Variants in ADK observed in about 807,000 individuals in gnomAD.
The protein encoded by ADK is adenosine kinase, also known as N6,N6-dimethyladenosine kinase.
ADK carries 24 observed loss-of-function variants against 44.7 expected under a neutral mutation model. The ratio of observed to expected loss-of-function variants is 0.54; its 90% confidence interval spans 0.39 to 0.76. ADK has a LOEUF of 0.76. ADK is among the 30% of genes least tolerant of loss of function. The pLI, the probability that ADK is intolerant of heterozygous loss-of-function variation, is 0.00. For missense variants in ADK, 321 were observed against 425.1 expected (o/e 0.76, Z 2.15); for synonymous variants, 128 against 142.6 (o/e 0.90, Z 0.73).
At chr10:74,436,649 A>C (rs1307699640) in intron 6 of ADK, among the ~76,000 whole-genome samples, 1 of 152,198 alleles carries the variant, frequency 6.6e-6, no homozygotes, top group Non-Finnish European at 1.5e-5. Flanking sequence ...AAAGCCAACT[A>C]ATTGGTGAAA....
At chr10:74,678,837 A>G (rs1169812490) in intron 10 of ADK, among the ~76,000 whole-genome samples, 1 of 152,228 alleles carries the variant, frequency 6.6e-6, no homozygotes, top group Non-Finnish European at 1.5e-5. Context: ...TGGTGAGCCA[A>G]TTGGAAGTAA....
At position 74,334,280 on chromosome 10, in the gene ADK, C is replaced by A. The variant is rs538092496; in HGVS notation, c.273+19535C>A. ...CTGCCCTTTTTCCTGGGACATTTCT[C>A]AGGGTTATATATGCAGCTGATAAAC... On this transcript the variant is annotated intron_variant, in intron 4 of 10. Transcript: ENST00000539909. 3.9e-4 allele frequency among the ~76,000 whole-genome samples: 60 copies of A among 152,242 alleles called. No homozygotes were observed. The Middle Eastern group carries it at 0.01, about 26-fold the overall frequency.
At chr10:74,444,392 A>G (rs762150421) in intron 6 of ADK, among the ~76,000 whole-genome samples, 2 of 152,108 alleles carry the variant, frequency 1.3e-5, no homozygotes, top group African/African-American at 4.8e-5. Flanking sequence ...GAGTAAGTAG[A>G]CTTGCCCATC....
chr10:74,571,932 A>G (rs1476196101), intron 7 of ADK, among the ~76,000 whole-genome samples: 1 of 152,178 alleles, frequency 6.6e-6, no homozygotes, highest in African/African-American at 2.4e-5. Flanking sequence ...AATACAGCAC[A>G]CTGATGGGTC....
intron 2 of ADK, among the ~76,000 whole-genome samples, chr10:74,213,103 T>G (rs973838462): frequency 2.6e-5 from 4 of 152,146 alleles, no homozygotes; most frequent in Admixed American, 2.6e-4. Flanking sequence ...AGAAGAGTCA[T>G]GGCTGGACTC....
intron 3 of ADK, among the ~76,000 whole-genome samples, chr10:74,234,711 A>G (rs142283004): frequency 6.6e-6 from 1 of 152,268 alleles, no homozygotes; most frequent in African/African-American, 2.4e-5. Flanking sequence ...CCAACAGACT[A>G]GGTCTTTTTT....
intron 1 of ADK, among the ~76,000 whole-genome samples, chr10:74,199,189 C>T (rs915393636): frequency 2.6e-5 from 4 of 152,176 alleles, no homozygotes; most frequent in East Asian, 1.9e-4. Flanking sequence ...GGATGTGCCA[C>T]GGGCTCCCTA....
chr10:74,346,104 C>G (rs1040585397), intron 4 of ADK, among the ~76,000 whole-genome samples: 21 of 152,224 alleles, frequency 1.4e-4, no homozygotes, highest in African/African-American at 4.8e-4. Context: ...GTTGGGCAAG[C>G]TGGTCTCAAA....
intron 6 of ADK, among the ~76,000 whole-genome samples, chr10:74,424,276 T>C (rs1375410975): frequency 1.3e-5 from 2 of 152,214 alleles, no homozygotes; most frequent in Middle Eastern, 3.4e-3. Context: ...TGGTGGCTCA[T>C]GCCTGTAATC....
chr10:74,377,803 G>A (rs1318269988), intron 4 of ADK, among the ~76,000 whole-genome samples: 2 of 152,264 alleles, frequency 1.3e-5, no homozygotes, highest in East Asian at 1.9e-4. Context: ...ATACTGAGAC[G>A]TGACCAACCT....
At chr10:74,502,173 A>G (rs1226679312) in intron 6 of ADK, among the ~76,000 whole-genome samples, 1 of 152,130 alleles carries the variant, frequency 6.6e-6, no homozygotes. Flanking sequence ...GAATTTGAGT[A>G]TCTGGATTTT....
intron 7 of ADK, among the ~76,000 whole-genome samples, chr10:74,564,391 TTC>T (rs1455419328): frequency 1.3e-5 from 2 of 152,204 alleles, no homozygotes; most frequent in African/African-American, 4.8e-5. Context: ...TTTCCATCTA[TTC>T]TCTTTGATAG....
chr10:74,278,732 G>C (rs1049012347), intron 3 of ADK, among the ~76,000 whole-genome samples: 1 of 152,040 alleles, frequency 6.6e-6, no homozygotes. Flanking sequence ...CTGTTTATAG[G>C]CATGATGATA....
intron 4 of ADK, among the ~76,000 whole-genome samples, chr10:74,343,502 G>C (rs1841655749): frequency 6.6e-6 from 1 of 152,204 alleles, no homozygotes; most frequent in African/African-American, 2.4e-5. Context: ...TGGTTTTGCT[G>C]TCTTAAGGGT....
intron 6 of ADK, among the ~76,000 whole-genome samples, chr10:74,479,733 C>T (rs921426746): frequency 1.3e-5 from 2 of 151,934 alleles, no homozygotes; most frequent in African/African-American, 4.8e-5. Context: ...GCCTTAATCC[C>T]CATTTTTCTT....
chr10:74,241,324 TCCC>T (rs1051914548), intron 3 of ADK, among the ~76,000 whole-genome samples: 1 of 152,116 alleles, frequency 6.6e-6, no homozygotes, highest in Non-Finnish European at 1.5e-5. Flanking sequence ...ATTTTCAGCA[TCCC>T]CCACCAGAGT....
intron 6 of ADK, among the ~76,000 whole-genome samples, chr10:74,406,928 C>T (rs1160291401): frequency 6.6e-6 from 1 of 151,408 alleles, no homozygotes; most frequent in Non-Finnish European, 1.5e-5. Context: ...ATCTGCTTGC[C>T]TCGGCCTCCC....
chr10:74,419,624 A>G (rs1335132429), intron 6 of ADK, among the ~76,000 whole-genome samples: 4 of 152,120 alleles, frequency 2.6e-5, no homozygotes, highest in Non-Finnish European at 5.9e-5. Context: ...CAGCTGCTAT[A>G]AGTATGATGA....
chr10:74,588,206 A>G (rs1367283212), intron 7 of ADK, among the ~76,000 whole-genome samples: 1 of 152,082 alleles, frequency 6.6e-6, no homozygotes, highest in African/African-American at 2.4e-5. Flanking sequence ...ATGACATTTC[A>G]TTTCTAAATA....
Sources: allele counts gnomAD v4.1 joint callset (sites outside exome capture counted in the v4.1 genomes callset), GRCh38; gene constraint gnomAD v4.1.1; transcripts MANE v1.5; gene names NCBI Gene and HGNC (gene_info 2026-07-23, HGNC 2026-07-21).